Variants in ARHGEF28 observed in about 807,000 individuals in gnomAD.
ARHGEF28 encodes Rho guanine nucleotide exchange factor 28, also known as 190 kDa guanine nucleotide exchange factor.
In ARHGEF28, 152 loss-of-function variants were observed where a neutral mutation model predicts 206.6. The ratio of observed to expected loss-of-function variants is 0.74; its 90% CI spans 0.64 to 0.84. The LOEUF (loss-of-function observed/expected upper bound fraction) is 0.84. ARHGEF28 is among the 40% of genes least tolerant of loss of function. ARHGEF28 has a pLI of 0.00. For synonymous variants in ARHGEF28, 763 were observed against 776.4 expected (o/e 0.98, Z 0.29); for missense variants, 2,028 against 2,073.2 (o/e 0.98, Z 0.42).
intron 35 of ARHGEF28, among the ~76,000 whole-genome samples, chr5:73,934,483 G>A (rs1442870825): frequency 6.6e-6 from 1 of 152,114 alleles, no homozygotes; most frequent in Non-Finnish European, 1.5e-5. Flanking sequence ...ATTATTGCCT[G>A]GGTGTAATAT....
intron 7 of ARHGEF28, among the ~76,000 whole-genome samples, chr5:73,790,551 A>C (rs1195970662): frequency 6.6e-6 from 1 of 152,104 alleles, no homozygotes; most frequent in Admixed American, 6.6e-5. Context: ...ATTGAGTGGA[A>C]TGTTGGGCTC....
chr5:73,941,047 C>T lies in ARHGEF28; in HGVS notation c.*34C>T. 1 of 1,432,472 alleles carries T rather than the reference C, an allele frequency of 7.0e-7. No individual in the cohort carries two copies. The allele number at this position is 1,432,472 out of a possible 1,614,324, so 88.7% of individuals were successfully genotyped here. On this transcript the variant is annotated 3_prime_UTR_variant, in exon 36 of 36. Transcript: ENST00000513042. ...TCATTTTTCCAAACAAAACAAAACA[C>T]TGGCACTTTTGGGAGAAACTTTTTG...
intron 4 of ARHGEF28, among the ~76,000 whole-genome samples, chr5:73,762,568 G>A (rs894429691): frequency 6.6e-6 from 1 of 151,764 alleles, no homozygotes; most frequent in Non-Finnish European, 1.5e-5. Context: ...GTTTATAATA[G>A]GAGATACAGG....
intron 10 of ARHGEF28, among the ~76,000 whole-genome samples, chr5:73,840,096 T>C (rs1757890326): frequency 6.6e-6 from 1 of 152,190 alleles, no homozygotes; most frequent in African/African-American, 2.4e-5. Context: ...ATAGCTGCCA[T>C]GTGAACAAAA....
At chr5:73,695,955 G>A (rs541847912) in intron 2 of ARHGEF28, among the ~76,000 whole-genome samples, 8 of 152,006 alleles carry the variant, frequency 5.3e-5, no homozygotes, top group African/African-American at 1.2e-4. Flanking sequence ...AGCTGTTTTC[G>A]TTCCATATCC....
chr5:73,717,734 CATGATGATAGTGT>C (rs1235557391), intron 2 of ARHGEF28, among the ~76,000 whole-genome samples: 1 of 152,140 alleles, frequency 6.6e-6, no homozygotes, highest in Non-Finnish European at 1.5e-5. Context: ...AAAGGTAAAT[CATGATGATAGTGT>C]ATAAGCCTTT....
intron 7 of ARHGEF28, among the ~76,000 whole-genome samples, chr5:73,782,608 G>T (rs553635157): frequency 6.6e-6 from 1 of 152,292 alleles, no homozygotes; most frequent in Non-Finnish European, 1.5e-5. Context: ...GAGCCCAAGG[G>T]AATTGCCTTT....
intron 3 of ARHGEF28, among the ~76,000 whole-genome samples, chr5:73,750,538 T>C (rs115042373): frequency 0.011 from 1,650 of 152,148 alleles, 32 homozygotes; most frequent in African/African-American, 0.037. Flanking sequence ...ATCATCAAAA[T>C]GCTTACATTT....
chr5:73,878,807 T>C (rs992218692), intron 22 of ARHGEF28, among the ~76,000 whole-genome samples: 1 of 151,608 alleles, frequency 6.6e-6, no homozygotes, highest in African/African-American at 2.4e-5. Flanking sequence ...GTTAGTCTGA[T>C]GGGCTTCCCT....
intron 9 of ARHGEF28, among the ~76,000 whole-genome samples, chr5:73,830,232 C>T (rs955911401): frequency 6.6e-6 from 1 of 152,106 alleles, no homozygotes; most frequent in South Asian, 2.1e-4. Flanking sequence ...ATTTTCAGAG[C>T]TTTCTGGATT....
At chr5:73,705,524 A>G (rs1307869983) in intron 2 of ARHGEF28, among the ~76,000 whole-genome samples, 1 of 152,216 alleles carries the variant, frequency 6.6e-6, no homozygotes, top group Non-Finnish European at 1.5e-5. Flanking sequence ...CTTATTGACT[A>G]GACTATTCAT....
intron 1 of ARHGEF28, among the ~76,000 whole-genome samples, chr5:73,676,493 A>G (rs993172023): frequency 1.3e-5 from 2 of 151,770 alleles, no homozygotes; most frequent in African/African-American, 4.8e-5. Flanking sequence ...CCCGCCTCAG[A>G]CTCCCAAAGT....
intron 2 of ARHGEF28, among the ~76,000 whole-genome samples, chr5:73,687,853 A>G (rs1168266214): frequency 6.6e-6 from 1 of 152,082 alleles, no homozygotes; most frequent in African/African-American, 2.4e-5. Flanking sequence ...ATTTTTCCAG[A>G]GTTTTATCTA....
intron 9 of ARHGEF28, chr5:73,813,362 C>T (rs1490313631): frequency 1.2e-5 from 5 of 425,214 alleles, no homozygotes; most frequent in Non-Finnish European, 1.3e-5. Flanking sequence ...CTTTACTTCC[C>T]TAGTTTGGCT....
rs201258223 is a variant in ARHGEF28 at position 73,752,927 on chromosome 5, C to T, written c.200C>T (p.Thr67Met). 3.8e-4 allele frequency: 614 copies of T among 1,613,836 alleles called. 4 individuals are homozygous for T. The South Asian group carries it at 5.0e-3, about 13-fold the overall frequency. The stretch of plus-strand genomic sequence containing the variant: ...TGTCCAGGCCATGGGCTTCAGGAGA[C>T]GGTGACGGTATCTGTGTGCCTCTGC... ...SSVPGHGLQE[T>M]VTVSVCLCSE... The change falls in exon 4 of 36, where the codon ACG becomes ATG. Residue 67 changes from threonine (T) to methionine (M), a missense_variant. This residue lies in a region of ARHGEF28 where 1,002 missense variants were observed against 1,015.3 expected (regional missense o/e 0.99). Transcript: ENST00000513042.
intron 35 of ARHGEF28, among the ~76,000 whole-genome samples, chr5:73,931,902 C>A (rs1179740908): frequency 6.6e-6 from 1 of 152,120 alleles, no homozygotes. Flanking sequence ...TAGAACAATG[C>A]CTGGCATTTA....
chr5:73,692,527 T>A (rs754453902), intron 2 of ARHGEF28, among the ~76,000 whole-genome samples: 3 of 152,224 alleles, frequency 2.0e-5, no homozygotes, highest in Non-Finnish European at 4.4e-5. Context: ...CTGCTGTGTT[T>A]GGTCCCAAGA....
At chr5:73,759,184 A>G (rs1274033891) in intron 4 of ARHGEF28, among the ~76,000 whole-genome samples, 1 of 152,210 alleles carries the variant, frequency 6.6e-6, no homozygotes, top group African/African-American at 2.4e-5. Flanking sequence ...CAAAAGTCAG[A>G]TTAAGAGTAC....
In ARHGEF28 at chr5:73,749,922, A is replaced by G; in HGVS notation, c.119A>G (p.His40Arg). 1 of 1,614,016 alleles carries G rather than the reference A, an allele frequency of 6.2e-7. No homozygotes were observed. The change falls in exon 3 of 36, where the codon CAT (histidine) becomes CGT (arginine). Residue 40 changes from histidine (H) to arginine (R), a missense_variant. His to Arg is a conservative substitution (Grantham distance 29). This residue lies in a region of ARHGEF28 where 1,002 missense variants were observed against 1,015.3 expected (regional missense o/e 0.99). Transcript: ENST00000513042. ...TTTTACTTTACTTATGACGGATCTC[A>G]TCAGCGACATGTCATGATTGCAGAG... ...AEFYFTYDGS[H>R]QRHVMIAERI... is the part of the protein sequence containing the mutation.
Sources: gnomAD v4.1 joint callset for allele counts (sites outside exome capture counted in the v4.1 genomes callset) on GRCh38, gnomAD v4.1.1 for gene constraint, gnomAD v4.1.1 regional missense constraint, MANE v1.5 for transcripts, NCBI Gene and HGNC (gene_info 2026-07-23, HGNC 2026-07-21) for gene names.